Variants in GTF2H3 observed in about 807,000 individuals in gnomAD.
GTF2H3 encodes general transcription factor IIH subunit 3.
In GTF2H3, 42 loss-of-function variants were observed where a neutral mutation model predicts 51.1. That is an observed-to-expected ratio of 0.82 (90% CI 0.64 to 1.06). GTF2H3 has a LOEUF of 1.06. Among genes scored for constraint, GTF2H3 ranks in the 50% least tolerant of loss-of-function variants. GTF2H3 has a pLI of 0.00. For missense variants in GTF2H3, 326 were observed against 366.1 expected (o/e 0.89, Z 0.89); for synonymous variants, 123 against 123.8 (o/e 0.99, Z 0.04).
intron 6 of GTF2H3, 53 bp from the exon 7 acceptor site, chr12:123,652,654 T>C: frequency 3.2e-6 from 5 of 1,539,676 alleles, no homozygotes; most frequent in Non-Finnish European, 4.4e-6. Context: ...TAGGAAACCA[T>C]ATATGATTAG....
At chr12:123,650,271 C>T (rs1017410653) in intron 4 of GTF2H3, 1 of 152,184 alleles carries the variant, frequency 6.6e-6, no homozygotes, top group Non-Finnish European at 1.5e-5. Context: ...AGGCACCAAA[C>T]AAGTGGCAAA....
chr12:123,650,581 C>T (rs1222539608), intron 4 of GTF2H3: 1 of 154,966 alleles, frequency 6.5e-6, no homozygotes, highest in Non-Finnish European at 1.4e-5. Context: ...GTAAAATTTA[C>T]TTACCATAAA....
At chr12:123,636,647 G>A (rs1955288087) in intron 1 of GTF2H3, among the ~76,000 whole-genome samples, 1 of 152,204 alleles carries the variant, frequency 6.6e-6, no homozygotes, top group African/African-American at 2.4e-5. Context: ...GCTGGGTGTG[G>A]TGGCTCATGC....
chr12:123,636,734 G>C (rs1429444073), intron 1 of GTF2H3, among the ~76,000 whole-genome samples: 1 of 152,180 alleles, frequency 6.6e-6, no homozygotes, highest in East Asian at 1.9e-4. Flanking sequence ...CCTAACCAAC[G>C]TGGAGAAACT....
intron 1 of GTF2H3, among the ~76,000 whole-genome samples, chr12:123,637,877 C>T (rs972312441): frequency 1.3e-5 from 2 of 152,154 alleles, no homozygotes; most frequent in East Asian, 1.9e-4. Context: ...TTGACAGCTA[C>T]GCCTCCCTTT....
chr12:123,657,782 G>A (rs532694906), intron 9 of GTF2H3, among the ~76,000 whole-genome samples: 56 of 152,298 alleles, frequency 3.7e-4, no homozygotes, highest in African/African-American at 1.2e-3. Flanking sequence ...TGAATCTAAC[G>A]GACCAACTGA....
Position 123,655,843 on chromosome 12 carries a change from C to T in GTF2H3, c.615+19C>T. The T allele has an allele frequency of 6.5e-7, 1 of 1,531,334 alleles. No individual in the cohort carries two copies. The highest frequency in any genetic ancestry group is 9.0e-7 in the Non-Finnish European group (1 of 1,108,694). The allele number at this position is 1,531,334 out of a possible 1,614,324, so 94.9% of individuals were successfully genotyped here. ...CCAACAGGTATGTTTTAAAACCATG[C>T]TTTGTGTCGGTGGTTATGACAATTA... On this transcript the variant is annotated intron_variant, in intron 9 of 12. Transcript: ENST00000543341.
At chr12:123,643,771 C>T (rs946965642) in intron 2 of GTF2H3, among the ~76,000 whole-genome samples, 3 of 152,082 alleles carry the variant, frequency 2.0e-5, no homozygotes, top group African/African-American at 7.2e-5. Flanking sequence ...TATATTGTCA[C>T]TTTTCGCCAA....
rs746700279 is a variant in GTF2H3, at chr12:123,650,996, G to C, written c.367G>C (p.Asp123His). The change falls in exon 5 of 13, where the codon GAC becomes CAC. Residue 123 changes from aspartate to histidine, a missense_variant and splice_region_variant. Physicochemically the swap from Asp to His is moderately conservative, Grantham distance 81 (BLOSUM62 -1). Coordinates refer to ENST00000543341, the MANE Select transcript of GTF2H3 (RefSeq NM_001516.5). ...TTAATGTTTTCTGTTATTTGCAGGT[G>C]ACATAAAGGGTCAACATACAGAAAC... ...EEIKDLMTKS[D>H]IKGQHTETLL... The C allele has an allele frequency of 1.2e-6, 2 of 1,609,792 alleles. No homozygotes were observed. The highest frequency in any genetic ancestry group is 4.5e-5 in the East Asian group (2 of 44,840).
intron 2 of GTF2H3, among the ~76,000 whole-genome samples, chr12:123,643,536 G>T (rs1039823697): frequency 6.6e-6 from 1 of 152,008 alleles, no homozygotes. Flanking sequence ...GTCAATATGA[G>T]GCAAAAAACA....
intron 1 of GTF2H3, among the ~76,000 whole-genome samples, chr12:123,635,753 C>T (rs1291786327): frequency 2.6e-5 from 4 of 152,082 alleles, no homozygotes; most frequent in African/African-American, 9.7e-5. Flanking sequence ...TAGCAAATTC[C>T]ATCATTTTTT....
intron 9 of GTF2H3, among the ~76,000 whole-genome samples, chr12:123,657,432 G>A (rs992150269): frequency 1.3e-5 from 2 of 152,080 alleles, no homozygotes; most frequent in African/African-American, 2.4e-5. Flanking sequence ...GGCCTGCTTC[G>A]GCCAGAGGGG....
intron 9 of GTF2H3, among the ~76,000 whole-genome samples, chr12:123,658,949 A>G (rs1433810992): frequency 6.6e-6 from 1 of 152,230 alleles, no homozygotes; most frequent in Non-Finnish European, 1.5e-5. Flanking sequence ...AAGCACATGA[A>G]AAGATGCTTA....
chr12:123,634,126 CAG>C (rs1334266571), intron 1 of GTF2H3, among the ~76,000 whole-genome samples: 5 of 152,172 alleles, frequency 3.3e-5, no homozygotes, highest in African/African-American at 1.2e-4. Context: ...CTGGGTGAAA[CAG>C]ATGACAATAA....
chr12:123,642,890 T>A (rs540589494), intron 2 of GTF2H3, among the ~76,000 whole-genome samples: 2 of 152,234 alleles, frequency 1.3e-5, no homozygotes, highest in Non-Finnish European at 2.9e-5. Context: ...TTTTTCTTTT[T>A]TTGAGATGGC....
rs1955579015 is a variant in GTF2H3 at position 123,655,757 on chromosome 12, A to C, written c.562-14A>C. 1 of 1,507,762 alleles carries C rather than the reference A, an allele frequency of 6.6e-7. No homozygotes were observed. 93.4% of individuals were successfully genotyped at this position (1,507,762 alleles called of 1,614,324 possible). On this transcript the variant is annotated splice_polypyrimidine_tract_variant and intron_variant, in intron 8 of 12. Transcript: ENST00000543341. ...GTTATTATTCCTGTAATATTTTCAA[A>C]ATGTTTCTTTTAGAATATTTTGATT...
chr12:123,650,855 A>T, intron 4 of GTF2H3, 139 bp from the exon 5 acceptor site: 1 of 603,550 alleles, frequency 1.7e-6, no homozygotes, highest in Non-Finnish European at 3.0e-6. Flanking sequence ...TTTTAAACCT[A>T]GTTTGAAAAT....
At chr12:123,654,260 T>A in intron 7 of GTF2H3, among the ~76,000 whole-genome samples, 1 of 123,424 alleles carries the variant, frequency 8.1e-6, no homozygotes, top group South Asian at 3.3e-4. Context: ...GTGTATATTT[T>A]GGGGGGGTGT....
At chr12:123,638,197 T>C (rs1255946520) in intron 1 of GTF2H3, among the ~76,000 whole-genome samples, 2 of 150,510 alleles carry the variant, frequency 1.3e-5, no homozygotes, top group African/African-American at 4.9e-5. Flanking sequence ...CTTGCTCTGT[T>C]ACCCAGGCTG....
Sources: allele counts gnomAD v4.1 joint callset (sites outside exome capture counted in the v4.1 genomes callset), GRCh38; gene constraint gnomAD v4.1.1; transcripts MANE v1.5; gene names NCBI Gene and HGNC (gene_info 2026-07-23, HGNC 2026-07-21).